PIGK: variants seen among roughly 807,000 people sequenced by gnomAD.
The protein encoded by PIGK is phosphatidylinositol glycan anchor biosynthesis class K, also known as GPI-anchor transamidase.
Under a neutral mutation model 50.6 loss-of-function variants are expected in PIGK, and 42 were observed. The observed-to-expected ratio is 0.83, with a 90% CI of 0.65 to 1.07. The LOEUF (loss-of-function observed/expected upper bound fraction) is 1.07, where lower values mean the gene tolerates loss of function less well. Ranked by LOEUF, PIGK falls within the 50% of genes least tolerant of loss-of-function variation. The pLI is 0.00. For synonymous variants in PIGK, 151 were observed against 156.0 expected, an observed-to-expected ratio of 0.97 and a Z score of 0.24; for missense variants, 448 against 488.7, an observed-to-expected ratio of 0.92 and a Z score of 0.78.
intron 1 of PIGK, 63 bp downstream of exon 1, chr1:77,219,247 G>A: frequency 7.4e-7 from 1 of 1,351,386 alleles, no homozygotes; most frequent in Non-Finnish European, 1.1e-6. Flanking sequence ...ACTGTGTATC[G>A]GACATCTGCT....
chr1:77,114,886 A>C (rs1162166824), intron 10 of PIGK, among the ~76,000 whole-genome samples: 1 of 152,210 alleles, frequency 6.6e-6, no homozygotes, highest in Non-Finnish European at 1.5e-5. Context: ...TGCTATGGTT[A>C]GGGAAAGCGC....
intron 9 of PIGK, among the ~76,000 whole-genome samples, chr1:77,129,921 TC>T (rs1654329703): frequency 6.6e-6 from 1 of 151,878 alleles, no homozygotes; most frequent in South Asian, 2.1e-4. Flanking sequence ...AGTTCCTATT[TC>T]CTTTCATCAT....
chr1:77,152,175 T>C (rs1029184203), intron 9 of PIGK, among the ~76,000 whole-genome samples: 4 of 151,960 alleles, frequency 2.6e-5, no homozygotes, highest in African/African-American at 9.6e-5. Context: ...ATGGAACAAA[T>C]AGAAAACTCA....
chr1:77,164,547 GA>G (rs949809435), intron 5 of PIGK, among the ~76,000 whole-genome samples: 5 of 148,898 alleles, frequency 3.4e-5, no homozygotes, highest in East Asian at 2.0e-4. Context: ...CATGAAAGTA[GA>G]AAAAAAAAAC....
chr1:77,157,628 T>C (rs184760003), intron 8 of PIGK, among the ~76,000 whole-genome samples: 14 of 152,304 alleles, frequency 9.2e-5, no homozygotes, highest in Admixed American at 9.1e-4. Flanking sequence ...ATCACAAGTT[T>C]TAATATTCAA....
At chr1:77,107,509 C>G (rs539891990) in intron 10 of PIGK, among the ~76,000 whole-genome samples, 1 of 152,208 alleles carries the variant, frequency 6.6e-6, no homozygotes, top group South Asian at 2.1e-4. Context: ...TTACTTCCAA[C>G]TATGTGGTCA....
intron 5 of PIGK, among the ~76,000 whole-genome samples, chr1:77,164,379 T>C (rs188228576): frequency 2.6e-3 from 402 of 152,320 alleles, no homozygotes; most frequent in African/African-American, 9.4e-3. Flanking sequence ...TTGCCTGGAT[T>C]CAAATGGTAA....
chr1:77,161,647 A>AATAAAAT lies in PIGK; in HGVS notation c.642_648dup (p.Ser217IlefsTer5), dbSNP rs1655131077. On this transcript the variant is annotated frameshift_variant, in exon 7 of 11. Coordinates refer to ENST00000370812, the MANE Select transcript of PIGK (RefSeq NM_005482.3). LOFTEE classifies it high-confidence loss of function. ...CTAGCTAGAGCCATTATGTTAGGAG[A>AATAAAAT]ATAAAATCGTTCATACATGGATGCT... is the stretch of plus-strand genomic sequence containing the variant. 6.3e-7 allele frequency: 1 copy of AATAAAAT among 1,590,790 alleles called. No individual in the cohort carries two copies. Among genetic ancestry groups the AATAAAAT allele is most frequent in the Admixed American group, 1.7e-5 (1 of 59,966 alleles).
At chr1:77,206,505 T>C (rs1656289676) in intron 3 of PIGK, 135 bp downstream of exon 3, 3 of 582,828 alleles carry the variant, frequency 5.1e-6, no homozygotes, top group East Asian at 5.8e-5. Flanking sequence ...TATGCTCTAA[T>C]GAGAACAAAA....
chr1:77,163,882 A>G lies in PIGK; in HGVS notation c.548T>C (p.Leu183Pro). Residue 183 changes from leucine (L) to proline (P), a missense_variant, in exon 6 of 11, where the codon CTC becomes CCC. Coordinates refer to ENST00000370812, the MANE Select transcript of PIGK (RefSeq NM_005482.3). ...QDSEEITNIE[L>P]ADAFEQMWQK... ...CCACATTTGTTCAAAAGCATCCGCG[A>G]GTTCTATGTTGGTAATTTCTTCAGA... The G allele has an allele frequency of 6.2e-7, 1 of 1,609,730 alleles. No individual in the cohort carries two copies. The highest frequency in any genetic ancestry group is 8.5e-7 in the Non-Finnish European group (1 of 1,177,576).
intron 10 of PIGK, among the ~76,000 whole-genome samples, chr1:77,093,775 A>G (rs1293962286): frequency 6.6e-6 from 1 of 152,110 alleles, no homozygotes; most frequent in Non-Finnish European, 1.5e-5. Flanking sequence ...TCCACTTAAG[A>G]GTCTGCAGTG....
intron 10 of PIGK, among the ~76,000 whole-genome samples, chr1:77,092,730 G>A (rs1271905924): frequency 6.6e-6 from 1 of 152,048 alleles, no homozygotes; most frequent in Non-Finnish European, 1.5e-5. Flanking sequence ...TCCTCAAAGA[G>A]TCCTTCCCTG....
intron 8 of PIGK, among the ~76,000 whole-genome samples, chr1:77,157,153 T>G (rs1655026886): frequency 2.6e-5 from 4 of 152,210 alleles, no homozygotes; most frequent in African/African-American, 7.2e-5. Context: ...AACATAGTGC[T>G]GTGAATACAG....
At chr1:77,106,985 CTTT>C (rs923241308) in intron 10 of PIGK, among the ~76,000 whole-genome samples, 17 of 149,140 alleles carry the variant, frequency 1.1e-4, no homozygotes, top group African/African-American at 3.0e-4. Flanking sequence ...CTCTTTTCTT[CTTT>C]ATTAGTCTTG....
At chr1:77,215,433 G>A (rs1656531524) in intron 1 of PIGK, among the ~76,000 whole-genome samples, 1 of 152,082 alleles carries the variant, frequency 6.6e-6, no homozygotes, top group Non-Finnish European at 1.5e-5. Context: ...TTAAGATGTA[G>A]ACAAAAGGGA....
In PIGK at chr1:77,122,354, T is replaced by C; in HGVS notation, c.992A>G (p.Lys331Arg). ...QDSEIMESSY[K>R]EDQMDEKLME... ...TAGTTTCTCATCCATCTGGTCTTCC[T>C]TATAGCTGGAAAAGATAATTTAAAA... The change falls in exon 10 of 11, where the codon AAG becomes AGG. Residue 331 changes from lysine (K) to arginine (R), a missense_variant. Lys to Arg is a conservative substitution (Grantham distance 26). Transcript: ENST00000370812. 2 of 1,580,078 alleles carry C rather than the reference T, an allele frequency of 1.3e-6. No homozygotes were observed. Among genetic ancestry groups the C allele is most frequent in the Non-Finnish European group, 1.7e-6 (2 of 1,150,118 alleles).
At chr1:77,124,023 C>A (rs902124263) in intron 9 of PIGK, among the ~76,000 whole-genome samples, 1 of 151,166 alleles carries the variant, frequency 6.6e-6, no homozygotes, top group Non-Finnish European at 1.5e-5. Context: ...CATGAAGACA[C>A]TAGAGGAAAA....
Position 77,206,746 on chromosome 1 carries a change from C to T in PIGK, c.148-15G>A. The T allele has an allele frequency of 1.3e-6, 2 of 1,531,848 alleles. No individual in the cohort carries two copies. The highest frequency in any genetic ancestry group is 1.7e-4 in the Middle Eastern group (1 of 5,870). The allele number at this position is 1,531,848 out of a possible 1,614,324, so 94.9% of individuals were successfully genotyped here. Reference sequence around the variant, plus strand: ...GATGTACACACCTGAAGTATTAAAACAAAAACAGAATTTTTATGCATCAAG... The same window carrying T: ...GATGTACACACCTGAAGTATTAAAATAAAAACAGAATTTTTATGCATCAAG... On this transcript the variant is annotated splice_polypyrimidine_tract_variant and intron_variant, in intron 2 of 10. Coordinates refer to ENST00000370812, the MANE Select transcript of PIGK (RefSeq NM_005482.3).
At chr1:77,131,453 T>C (rs1570207914) in intron 9 of PIGK, among the ~76,000 whole-genome samples, 2 of 152,096 alleles carry the variant, frequency 1.3e-5, no homozygotes, top group Admixed American at 1.3e-4. Flanking sequence ...GATGGGATTA[T>C]AGCATGTATT....
Sources: allele counts gnomAD v4.1 joint callset (sites outside exome capture counted in the v4.1 genomes callset), GRCh38; gene constraint gnomAD v4.1.1; transcripts MANE v1.5; gene names NCBI Gene and HGNC (gene_info 2026-07-23, HGNC 2026-07-21).